Variants in SMAP1 observed in about 807,000 individuals in gnomAD.
SMAP1 encodes the protein stromal membrane-associated protein 1.
Under a neutral mutation model 58.5 loss-of-function variants are expected in SMAP1, and 24 were observed. That is an observed-to-expected ratio of 0.41 (90% CI 0.30 to 0.58). The LOEUF (loss-of-function observed/expected upper bound fraction) is 0.58. Ranked by LOEUF, SMAP1 falls within the 20% of genes least tolerant of loss-of-function variation. SMAP1 has a pLI of 0.29. For synonymous variants in SMAP1, 216 were observed against 196.6 expected, an observed-to-expected ratio of 1.10 and a Z score of -0.82; for missense variants, 563 against 566.3, an observed-to-expected ratio of 0.99 and a Z score of 0.06.
exon 11 of SMAP1, chr6:70,862,000 AAAAG>A (rs769501254): frequency 5.7e-6 from 9 of 1,566,858 alleles, no homozygotes; most frequent in African/African-American, 2.8e-5. Context: ...ATAAAAAAAA[AAAAG>A]AGACTTTAAA....
At chr6:70,805,548 G>A (rs890451493) in intron 6 of SMAP1, among the ~76,000 whole-genome samples, 1 of 152,158 alleles carries the variant, frequency 6.6e-6, no homozygotes, top group African/African-American at 2.4e-5. Flanking sequence ...TCTGTTGCTG[G>A]CGAGGAGCTG....
At chr6:70,859,080 T>TAA (rs914567089) in intron 10 of SMAP1, 5 of 291,896 alleles carry the variant, frequency 1.7e-5, no homozygotes, top group African/African-American at 1.1e-4. Flanking sequence ...GTCACTTGTT[T>TAA]TACCTTTAGA....
At chr6:70,696,393 TTCCTC>T in intron 1 of SMAP1, among the ~76,000 whole-genome samples, 1 of 152,314 alleles carries the variant, frequency 6.6e-6, no homozygotes, top group East Asian at 1.9e-4. Context: ...GCTATAAACT[TTCCTC>T]TTAGTACTGC....
At chr6:70,821,034 T>C (rs1769866077) in intron 6 of SMAP1, among the ~76,000 whole-genome samples, 1 of 152,202 alleles carries the variant, frequency 6.6e-6, no homozygotes, top group South Asian at 2.1e-4. Flanking sequence ...GATATCACTC[T>C]AGGTAGCACT....
intron 4 of SMAP1, among the ~76,000 whole-genome samples, chr6:70,790,750 C>G (rs35931280): frequency 0.02 from 3,022 of 152,224 alleles, 48 homozygotes; most frequent in Non-Finnish European, 0.027. Context: ...GTTATTTTGA[C>G]ATTACATAAT....
chr6:70,782,778 G>C (rs1243542043), intron 4 of SMAP1, among the ~76,000 whole-genome samples: 1 of 152,174 alleles, frequency 6.6e-6, no homozygotes, highest in Non-Finnish European at 1.5e-5. Flanking sequence ...GATTTGAAGA[G>C]AGGCCAACAA....
intron 6 of SMAP1, among the ~76,000 whole-genome samples, chr6:70,801,992 A>ATGC (rs1383185073): frequency 2.0e-5 from 3 of 152,246 alleles, no homozygotes; most frequent in Non-Finnish European, 4.4e-5. Flanking sequence ...TGACTTGGCA[A>ATGC]TGCGGGCTCT....
Position 70,860,498 on chromosome 6 carries a change from TGTG to T in SMAP1, c.*168_*170del, listed in dbSNP as rs370747580. 113 of 697,606 alleles carry T rather than the reference TGTG, an allele frequency of 1.6e-4. 1 individual carries two copies. In the Admixed American group the frequency reaches 1.7e-3, roughly 11 times the overall value. The allele number at this position is 697,606 out of a possible 1,614,324, so 43.2% of individuals were successfully genotyped here. On this transcript the variant is annotated 3_prime_UTR_variant, in exon 11 of 11. Coordinates refer to ENST00000370455, the MANE Select transcript of SMAP1 (RefSeq NM_001044305.3). The stretch of plus-strand genomic sequence containing the variant: ...GTTGGTCTGTACTGATTCAATTTGA[TGTG>T]GTGAAAAGCAGGTTGATAAATCATT...
Position 70,805,000 on chromosome 6 carries a change from G to C in SMAP1, c.576+6263G>C, listed in dbSNP as rs9455233. On this transcript the variant is annotated intron_variant, in intron 6 of 10. Coordinates refer to ENST00000370455, the MANE Select transcript of SMAP1 (RefSeq NM_001044305.3). ...TGTCTTGGGTTGCTCTTCTTGAAGA[G>C]TATCTTTGTGGTGTTCTGTGTTTTT... Among the ~76,000 whole-genome samples the C allele has an allele frequency of 4.0e-4, 60 of 151,828 alleles. No homozygotes were observed. The East Asian group carries it at 9.9e-3, about 25-fold the overall frequency.
chr6:70,830,398 T>C (rs1270275873), intron 6 of SMAP1, among the ~76,000 whole-genome samples: 2 of 152,200 alleles, frequency 1.3e-5, no homozygotes, highest in Non-Finnish European at 2.9e-5. Context: ...AACAAGATAA[T>C]AGCATTTTTA....
intron 6 of SMAP1, among the ~76,000 whole-genome samples, chr6:70,832,829 C>T (rs1299215149): frequency 6.6e-6 from 1 of 152,168 alleles, no homozygotes; most frequent in Non-Finnish European, 1.5e-5. Context: ...CTGACCTCAT[C>T]ATCTCTTACT....
At chr6:70,845,075 TTCATGCTCAGTCAAA>T (rs1292836145) in intron 7 of SMAP1, among the ~76,000 whole-genome samples, 12 of 152,188 alleles carry the variant, frequency 7.9e-5, no homozygotes, top group Non-Finnish European at 1.6e-4. Context: ...AGGTAGAAGG[TTCATGCTCAGTCAAA>T]AATGGTAATG....
At chr6:70,830,576 TTTG>T (rs1036452910) in intron 6 of SMAP1, among the ~76,000 whole-genome samples, 1 of 152,226 alleles carries the variant, frequency 6.6e-6, no homozygotes, top group African/African-American at 2.4e-5. Flanking sequence ...TGTATTCATG[TTTG>T]TTGTTTAAGG....
intron 1 of SMAP1, among the ~76,000 whole-genome samples, chr6:70,719,605 G>T (rs1324900515): frequency 6.6e-6 from 1 of 152,116 alleles, no homozygotes; most frequent in African/African-American, 2.4e-5. Flanking sequence ...TCACGCTGCT[G>T]TTAAAGACGT....
chr6:70,677,386 C>G (rs1291515393), intron 1 of SMAP1, among the ~76,000 whole-genome samples: 1 of 147,018 alleles, frequency 6.8e-6, no homozygotes, highest in East Asian at 2.0e-4. Flanking sequence ...TTTATTTCAA[C>G]CTTGTATGGT....
At chr6:70,797,275 C>T (rs1768644648) in intron 5 of SMAP1, among the ~76,000 whole-genome samples, 2 of 152,044 alleles carry the variant, frequency 1.3e-5, no homozygotes, top group Non-Finnish European at 2.9e-5. Context: ...TTATAGTTTG[C>T]AAAGTTGCTT....
At chr6:70,848,129 T>G (rs986654521) in intron 7 of SMAP1, among the ~76,000 whole-genome samples, 1 of 152,198 alleles carries the variant, frequency 6.6e-6, no homozygotes, top group Admixed American at 6.5e-5. Context: ...ATGTTATTAG[T>G]GGGCCCATGA....
chr6:70,798,311 G>C (rs990636507), intron 5 of SMAP1, among the ~76,000 whole-genome samples: 2 of 147,890 alleles, frequency 1.4e-5, no homozygotes, highest in African/African-American at 5.0e-5. Context: ...CGTGATTGCT[G>C]TTAGGAAGTC....
At chr6:70,688,838 A>G (rs1767039605) in intron 1 of SMAP1, among the ~76,000 whole-genome samples, 1 of 152,194 alleles carries the variant, frequency 6.6e-6, no homozygotes, top group Non-Finnish European at 1.5e-5. Context: ...AAGTCTAAGT[A>G]CAATTTGCCT....
Sources: allele counts gnomAD v4.1 joint callset (sites outside exome capture counted in the v4.1 genomes callset), GRCh38; gene constraint gnomAD v4.1.1; transcripts MANE v1.5; gene names NCBI Gene and HGNC (gene_info 2026-07-23, HGNC 2026-07-21).